Variants in RIC1 observed in about 807,000 individuals in gnomAD.
The protein encoded by RIC1 is RIC1 partner of RAB6A GEF complex.
A neutral mutation model predicts 169.0 loss-of-function variants in RIC1; 88 were observed. That is an observed-to-expected ratio of 0.52 (90% confidence interval 0.44 to 0.62). The LOEUF is 0.62. Ranked by LOEUF, RIC1 falls within the 20% of genes least tolerant of loss-of-function variation. The pLI, the probability that RIC1 is intolerant of heterozygous loss-of-function variation, is 0.00. For missense variants in RIC1, 1,877 were observed against 1,725.5 expected (o/e 1.09, Z -1.56); for synonymous variants, 790 against 601.5 (o/e 1.31, Z -4.59).
At chr9:5,750,736 AGTGCCC>A (rs1825671588) in intron 12 of RIC1, among the ~76,000 whole-genome samples, 1 of 150,802 alleles carries the variant, frequency 6.6e-6, no homozygotes, top group African/African-American at 2.4e-5. Flanking sequence ...GCATGACTTC[AGTGCCC>A]TGAGTGTGCT....
intron 2 of RIC1, among the ~76,000 whole-genome samples, chr9:5,658,455 G>T (rs919744700): frequency 3.3e-5 from 5 of 152,080 alleles, no homozygotes; most frequent in African/African-American, 1.2e-4. Flanking sequence ...TAAATTGACA[G>T]ATGTTATAAT....
At position 5,774,191 on chromosome 9, in the gene RIC1, A is replaced by G; in HGVS notation, c.4217A>G (p.Gln1406Arg). ...MVSRKEEDTA[Q>R]AEEEEPFQDG... Reference sequence around the variant, plus strand: ...AGCCGGAAAGAGGAGGACACAGCCCAAGCAGAGGAGGAAGAACCTTTTCAG... The same window carrying G: ...AGCCGGAAAGAGGAGGACACAGCCCGAGCAGAGGAGGAAGAACCTTTTCAG... Residue 1406 changes from glutamine to arginine, a missense_variant, in exon 26 of 26, where the codon CAA becomes CGA. Coordinates refer to ENST00000414202, the MANE Select transcript of RIC1 (RefSeq NM_020829.4). The G allele has an allele frequency of 6.2e-7, 1 of 1,613,942 alleles. No homozygotes were observed.
chr9:5,758,279 G>C (rs1404961895), intron 17 of RIC1, among the ~76,000 whole-genome samples: 2 of 152,192 alleles, frequency 1.3e-5, no homozygotes, highest in African/African-American at 2.4e-5. Flanking sequence ...TTCTATTTCA[G>C]TGGTTTCTAA....
chr9:5,631,385 A>G (rs1442584711), intron 1 of RIC1, among the ~76,000 whole-genome samples: 5 of 152,126 alleles, frequency 3.3e-5, no homozygotes, highest in Admixed American at 2.0e-4. Flanking sequence ...ACCTTAGAGG[A>G]GGCTGTATAG....
chr9:5,763,569 G>A lies in RIC1; in HGVS notation c.2542G>A (p.Ala848Thr), dbSNP rs182827871. 1 of 1,614,036 alleles carries A rather than the reference G, an allele frequency of 6.2e-7. No homozygotes were observed. Among genetic ancestry groups the A allele is most frequent in the African/African-American group, 1.3e-5 (1 of 74,996 alleles). ...RNLGEQALLL[A>T]QSCATLPYFP... ...CCTTGGGGAGCAAGCCTTGCTCTTG[G>A]CCCAGTCCTGTGCCACATTACCTTA... The change falls in exon 19 of 26, where the codon GCC becomes ACC. Residue 848 changes from alanine (A) to threonine (T), a missense_variant. Transcript: ENST00000414202. The surrounding 1 kb of genome is among the most constrained non-coding windows in gnomAD (Gnocchi z 5.2).
chr9:5,648,065 C>A (rs1330732242), intron 1 of RIC1, among the ~76,000 whole-genome samples: 1 of 150,910 alleles, frequency 6.6e-6, no homozygotes, highest in Non-Finnish European at 1.5e-5. Flanking sequence ...TTACTGCAAC[C>A]GCCACCTCCC....
intron 12 of RIC1, among the ~76,000 whole-genome samples, chr9:5,752,919 T>C (rs560229806): frequency 6.6e-6 from 1 of 152,256 alleles, no homozygotes; most frequent in South Asian, 2.1e-4. Context: ...TCTCTGAAAA[T>C]CTCTTGTCAG....
At position 5,629,418 on chromosome 9, in the gene RIC1, C is replaced by G; in HGVS notation, c.109C>G (p.Leu37Val). The G allele has an allele frequency of 6.5e-7, 1 of 1,533,922 alleles. No homozygotes were observed. Among genetic ancestry groups the G allele is most frequent in the Non-Finnish European group, 8.7e-7 (1 of 1,146,060 alleles). ...CCCGCAGAGGGCTTTCTTCGCCGTG[C>G]TGGCCGCGGCCCGCCTCAGCATCTG... ...SDPQRAFFAVLAAARLSIWYS... is the reference protein window; with the variant it reads ...SDPQRAFFAVVAAARLSIWYS... Residue 37 changes from leucine (L) to valine (V), a missense_variant, in exon 1 of 26, where the codon CTG (leucine) becomes GTG (valine). Around this residue, in one of 3 missense-constraint regions of RIC1, gnomAD observed 1,104 missense variants for 992.0 expected, o/e 1.11. Coordinates refer to ENST00000414202, the MANE Select transcript of RIC1 (RefSeq NM_020829.4).
chr9:5,753,677 T>C (rs1825846133), intron 14 of RIC1, 31 bp downstream of exon 14: 1 of 1,155,900 alleles, frequency 8.7e-7, no homozygotes, highest in Non-Finnish European at 1.3e-6. Flanking sequence ...AAAACCTATT[T>C]CTCAAAGTAT....
chr9:5,717,175 T>C (rs916147711), intron 4 of RIC1, among the ~76,000 whole-genome samples: 9 of 152,336 alleles, frequency 5.9e-5, no homozygotes, highest in Admixed American at 5.2e-4. Context: ...TTCACACATC[T>C]GGCCAGTCAT....
intron 2 of RIC1, among the ~76,000 whole-genome samples, chr9:5,671,044 A>C (rs939850185): frequency 6.6e-6 from 1 of 152,164 alleles, no homozygotes; most frequent in African/African-American, 2.4e-5. Flanking sequence ...CTTAGGTTCT[A>C]CAGTAGTGAT....
At chr9:5,768,342 A>T (rs892575765) in intron 21 of RIC1, among the ~76,000 whole-genome samples, 12 of 152,134 alleles carry the variant, frequency 7.9e-5, no homozygotes, top group Non-Finnish European at 1.6e-4. Context: ...TCTGGGCAAC[A>T]CAGCAAGATC....
At chr9:5,673,312 C>T (rs1039074268) in intron 2 of RIC1, among the ~76,000 whole-genome samples, 4 of 151,574 alleles carry the variant, frequency 2.6e-5, no homozygotes, top group Admixed American at 1.3e-4. Context: ...GCATCACTAG[C>T]AAGGAAACAA....
In RIC1 at chr9:5,747,307, C is replaced by T. The variant is rs190154814; in HGVS notation, c.1254C>T (p.Asn418=). 1 of 1,612,942 alleles carries T rather than the reference C, an allele frequency of 6.2e-7. No homozygotes were observed. The highest frequency in any genetic ancestry group is 1.1e-5 in the South Asian group (1 of 91,038). The change falls in exon 12 of 26, where the codon AAC becomes AAT. Residue 418 remains asparagine (N), a synonymous_variant. Transcript: ENST00000414202. ...SVLTVNPCMS[N]QEQVLLQGED... is the part of the protein sequence containing the mutation. The stretch of plus-strand genomic sequence containing the variant: ...TTCCTCTTTCCCTCATTTAGAGTAA[C>T]CAAGAGCAGGTGTTGCTTCAGGGTG...
intron 1 of RIC1, among the ~76,000 whole-genome samples, chr9:5,636,355 T>C (rs56023600): frequency 0.081 from 12,290 of 152,226 alleles, 721 homozygotes; most frequent in Non-Finnish European, 0.12. Flanking sequence ...GTCTCGCTCT[T>C]GTCACCGAGG....
intron 1 of RIC1, among the ~76,000 whole-genome samples, chr9:5,630,837 G>T (rs1817682713): frequency 6.6e-6 from 1 of 152,116 alleles, no homozygotes. Context: ...CGTTTACAAT[G>T]TATATGCCAG....
chr9:5,679,357 T>C (rs1316776405), intron 2 of RIC1, among the ~76,000 whole-genome samples: 1 of 152,156 alleles, frequency 6.6e-6, no homozygotes, highest in East Asian at 1.9e-4. Context: ...TTTAAAGTAG[T>C]TTTTTCCAAT....
Position 5,713,993 on chromosome 9 carries a change from C to T in RIC1, c.430C>T (p.Pro144Ser), listed in dbSNP as rs1235287556. Residue 144 changes from proline to serine, a missense_variant, in exon 4 of 26, where the codon CCC becomes TCC. Pro to Ser is a moderately conservative substitution (Grantham distance 74). Around this residue, in one of 3 missense-constraint regions of RIC1, gnomAD observed 1,104 missense variants for 992.0 expected, o/e 1.11. Transcript: ENST00000414202. ...GAGGAAAATACTGGATTTACAAGCA[C>T]CCATCATGAGGTACAGTACTTTGGT... ...EMRKILDLQA[P>S]IMSLQSVLED... 5 of 1,607,608 alleles carry T rather than the reference C, an allele frequency of 3.1e-6. No individual in the cohort carries two copies. The highest frequency in any genetic ancestry group is 1.1e-5 in the South Asian group (1 of 90,892).
Position 5,763,481 on chromosome 9 carries a change from T to C in RIC1, c.2454T>C (p.Cys818=). ...AGCTGGAGGTGCTCTTCCCTTTCTGTGTTGTGGAGAGAACCTCTCAGATCT... is the reference window on the plus strand; with the variant it reads ...AGCTGGAGGTGCTCTTCCCTTTCTGCGTTGTGGAGAGAACCTCTCAGATCT... The part of the protein sequence containing the change: ...REQLEVLFPF[C]VVERTSQIYL... Residue 818 remains cysteine, a synonymous_variant, in exon 19 of 26, where the codon TGT becomes TGC. Coordinates refer to ENST00000414202, the MANE Select transcript of RIC1 (RefSeq NM_020829.4). This position sits in a 1 kb window ranked among gnomAD's most constrained non-coding sequence, Gnocchi z 5.2. 1 of 1,614,206 alleles carries C rather than the reference T, an allele frequency of 6.2e-7. No homozygotes were observed. Among genetic ancestry groups the C allele is most frequent in the Non-Finnish European group, 8.5e-7 (1 of 1,180,030 alleles).
Sources: gnomAD v4.1 joint callset for allele counts (sites outside exome capture counted in the v4.1 genomes callset) on GRCh38, gnomAD v4.1.1 for gene constraint, gnomAD v4.1.1 regional missense constraint, Gnocchi (gnomAD v3.1) non-coding constraint, MANE v1.5 for transcripts, NCBI Gene and HGNC (gene_info 2026-07-23, HGNC 2026-07-21) for gene names.